The following EYA1 variants were observed in gnomAD, a reference collection of about 807,000 sequenced individuals.
EYA1 encodes protein phosphatase EYA1.
EYA1 carries 16 observed loss-of-function variants against 82.0 expected under a neutral mutation model. That is an observed-to-expected ratio of 0.20 (90% CI 0.13 to 0.30). The LOEUF (loss-of-function observed/expected upper bound fraction) is 0.30, where lower values mean the gene tolerates loss of function less well. EYA1 is among the 10% of genes least tolerant of loss of function. EYA1 has a pLI of 1.00. For synonymous variants in EYA1, 261 were observed against 264.4 expected, an observed-to-expected ratio of 0.99 and a Z score of 0.12; for missense variants, 633 against 730.7, an observed-to-expected ratio of 0.87 and a Z score of 1.54.
intron 12 of EYA1, among the ~76,000 whole-genome samples, chr8:71,222,812 A>T (rs1374676788): frequency 6.6e-6 from 1 of 152,174 alleles, no homozygotes; most frequent in African/African-American, 2.4e-5. Context: ...CAGGCTCCTC[A>T]ATTTCACACA....
chr8:71,388,264 A>G (rs1829075423), intron 2 of EYA1, among the ~76,000 whole-genome samples: 1 of 152,198 alleles, frequency 6.6e-6, no homozygotes, highest in Non-Finnish European at 1.5e-5. Context: ...TTAAGGGTTG[A>G]AAAGTGTCCA....
intron 11 of EYA1, among the ~76,000 whole-genome samples, chr8:71,248,894 C>T (rs527898517): frequency 1.9e-4 from 29 of 152,288 alleles, no homozygotes; most frequent in African/African-American, 5.1e-4. Flanking sequence ...GAAAAAAACA[C>T]GTTCTTAAAC....
intron 2 of EYA1, among the ~76,000 whole-genome samples, chr8:71,440,752 G>A (rs187517171): frequency 1.8e-3 from 279 of 152,222 alleles, no homozygotes; most frequent in Admixed American, 4.8e-3. Context: ...GAATTGTGGG[G>A]TTTTAACTTG....
At chr8:71,294,402 G>A (rs1365897541) in intron 9 of EYA1, among the ~76,000 whole-genome samples, 1 of 152,138 alleles carries the variant, frequency 6.6e-6, no homozygotes, top group African/African-American at 2.4e-5. Context: ...GGAGCCTGCA[G>A]TGAGCCGAGA....
chr8:71,364,939 CATATATATATATATAT>C (rs34890892), upstream of EYA1, among the ~76,000 whole-genome samples: 2,220 of 88,164 alleles, frequency 0.025, 96 homozygotes, highest in African/African-American at 0.032. Flanking sequence ...AAGCAAATGT[CATATATATATATATAT>C]ATATATATAT....
chr8:71,474,802 A>G (rs1258193255), intron 2 of EYA1, among the ~76,000 whole-genome samples: 1 of 152,194 alleles, frequency 6.6e-6, no homozygotes, highest in East Asian at 1.9e-4. Flanking sequence ...ATTATTATCC[A>G]TTTTGTACAA....
At position 71,216,801 on chromosome 8, in the gene EYA1, G is replaced by A; in HGVS notation, c.1251C>T (p.Asn417=). 1 of 1,614,138 alleles carries A rather than the reference G, an allele frequency of 6.2e-7. No individual in the cohort carries two copies. Among genetic ancestry groups the A allele is most frequent in the Non-Finnish European group, 8.5e-7 (1 of 1,180,002 alleles). The change falls in exon 14 of 18, where the codon AAC becomes AAT. Residue 417 remains asparagine, a synonymous_variant. Coordinates refer to ENST00000340726, the MANE Select transcript of EYA1 (RefSeq NM_000503.6). ...CCCGTACACCAGTTGCCAAACATAA[G>A]TTAGCACTGGTTGCTGCAGCAGGAA... ...DGFPAAATSA[N]LCLATGVRGG... is the part of the protein sequence containing the mutation.
intron 11 of EYA1, among the ~76,000 whole-genome samples, chr8:71,250,067 T>C (rs1338520215): frequency 6.6e-6 from 1 of 152,094 alleles, no homozygotes; most frequent in African/African-American, 2.4e-5. Context: ...GCCTTGTGTC[T>C]TTTGTGGATA....
intron 2 of EYA1, among the ~76,000 whole-genome samples, chr8:71,482,703 G>T (rs900110426): frequency 1.3e-5 from 2 of 152,138 alleles, no homozygotes; most frequent in African/African-American, 4.8e-5. Flanking sequence ...GCAATGAAAA[G>T]AATGAACTAC....
At chr8:71,300,033 CT>C (rs1820033090) in intron 7 of EYA1, among the ~76,000 whole-genome samples, 1 of 152,080 alleles carries the variant, frequency 6.6e-6, no homozygotes, top group South Asian at 2.1e-4. Context: ...TTTTTCATGT[CT>C]TTATATTAAA....
At chr8:71,526,421 T>G (rs574838578) in intron 2 of EYA1, among the ~76,000 whole-genome samples, 23 of 152,276 alleles carry the variant, frequency 1.5e-4, no homozygotes, top group Non-Finnish European at 3.2e-4. Flanking sequence ...TCTATCATGG[T>G]GTAACAGATT....
At chr8:71,522,140 G>A (rs1286596248) in intron 2 of EYA1, among the ~76,000 whole-genome samples, 1 of 152,218 alleles carries the variant, frequency 6.6e-6, no homozygotes, top group East Asian at 1.9e-4. Flanking sequence ...ATATAGCAAG[G>A]TTTCATTAAA....
rs932344206 is a variant in EYA1 at position 71,486,488 on chromosome 8, C to A, written c.33+49256G>T. Among the ~76,000 whole-genome samples, 6 of 152,316 alleles carry A rather than the reference C, an allele frequency of 3.9e-5. No individual in the cohort carries two copies. In the East Asian group the frequency reaches 5.8e-4, roughly 15 times the overall value. ...GAACCTGGGGGTCCTTTTTCTCCTG[C>A]CCAGTCGTGCCTCCTCTTGGGAGAA... On this transcript the variant is annotated intron_variant, in intron 2 of 18. Transcript: ENST00000643681.
chr8:71,504,945 G>A (rs1289061430), intron 2 of EYA1, among the ~76,000 whole-genome samples: 7 of 152,100 alleles, frequency 4.6e-5, no homozygotes. Flanking sequence ...AGGACTACAG[G>A]TGTGCGCCAC....
At chr8:71,205,419 T>TAA (rs113904887) in intron 17 of EYA1, among the ~76,000 whole-genome samples, 4 of 151,814 alleles carry the variant, frequency 2.6e-5, no homozygotes, top group African/African-American at 9.7e-5. Context: ...AATTTTATGG[T>TAA]AAAAAAAGAA....
intron 2 of EYA1, chr8:71,535,720 A>C: frequency 6.7e-7 from 1 of 1,495,350 alleles, no homozygotes; most frequent in Admixed American, 2.1e-5. Flanking sequence ...TTCTTTCCTT[A>C]GGACTGACAT....
intron 9 of EYA1, among the ~76,000 whole-genome samples, chr8:71,282,712 TCTC>T (rs926420594): frequency 6.6e-6 from 1 of 152,172 alleles, no homozygotes; most frequent in African/African-American, 2.4e-5. Flanking sequence ...TCAGTGCTTG[TCTC>T]CTCTTCTGTG....
chr8:71,252,484 A>G (rs1813870287), intron 11 of EYA1, among the ~76,000 whole-genome samples: 1 of 152,100 alleles, frequency 6.6e-6, no homozygotes, highest in South Asian at 2.1e-4. Context: ...TGTTCATACA[A>G]TTCCTCATAC....
At position 71,299,115 on chromosome 8, in the gene EYA1, T is replaced by A. The variant is rs960785529; in HGVS notation, c.758A>T (p.Asn253Ile). 1.2e-6 allele frequency: 2 copies of A among 1,614,018 alleles called. No individual in the cohort carries two copies. Among genetic ancestry groups the A allele is most frequent in the African/African-American group, 2.7e-5 (2 of 74,912 alleles). Reference protein sequence around the residue: ...SNTSPTTPSTNATYQLQEPPS... With the variant: ...SNTSPTTPSTIATYQLQEPPS... ...CGGTTCTTGAAGCTGGTAAGTGGCA[T>A]TGGTGGATGGTGTCGTTGGGCTGGT... The change falls in exon 9 of 18, where the codon AAT becomes ATT. Residue 253 changes from asparagine (N) to isoleucine (I), a missense_variant. By Grantham distance (149) the Asn-to-Ile change is moderately radical. Transcript: ENST00000340726.
Sources: allele counts gnomAD v4.1 joint callset (sites outside exome capture counted in the v4.1 genomes callset), GRCh38; gene constraint gnomAD v4.1.1; transcripts MANE v1.5; gene names NCBI Gene and HGNC (gene_info 2026-07-23, HGNC 2026-07-21).